Variants in NUP107 observed in about 807,000 individuals in gnomAD.
NUP107 encodes the protein nucleoporin 107, also known as nuclear pore complex protein Nup107.
A neutral mutation model predicts 141.0 loss-of-function variants in NUP107; 101 were observed. The observed-to-expected ratio is 0.72, with a 90% CI of 0.61 to 0.84. NUP107 has a LOEUF of 0.84. Ranked by LOEUF, NUP107 falls within the 40% of genes least tolerant of loss-of-function variation. The pLI, the probability that NUP107 is intolerant of heterozygous loss-of-function variation, is 0.00. For synonymous variants in NUP107, 319 were observed against 363.9 expected, an observed-to-expected ratio of 0.88 and a Z score of 1.41; for missense variants, 941 against 1,102.7, an observed-to-expected ratio of 0.85 and a Z score of 2.08.
intron 6 of NUP107, among the ~76,000 whole-genome samples, chr12:68,699,408 G>A (rs1053183356): frequency 6.6e-6 from 1 of 151,954 alleles, no homozygotes; most frequent in Admixed American, 6.6e-5. Flanking sequence ...CACTAAAGAA[G>A]TCTATTTTTA....
chr12:68,693,873 CATT>C (rs1875929165), intron 5 of NUP107, among the ~76,000 whole-genome samples: 1 of 152,162 alleles, frequency 6.6e-6, no homozygotes, highest in South Asian at 2.1e-4. Context: ...CTTAATCTAA[CATT>C]GTTGATGTGT....
intron 4 of NUP107, 79 bp downstream of exon 4, chr12:68,690,825 ACTC>A: frequency 7.1e-7 from 1 of 1,400,592 alleles, no homozygotes; most frequent in South Asian, 1.3e-5. Flanking sequence ...CACTCCCTGA[ACTC>A]CTGACCTCAA....
chr12:68,705,825 C>T (rs919506257), intron 8 of NUP107: 2 of 769,590 alleles, frequency 2.6e-6, no homozygotes, highest in African/African-American at 1.7e-5. Flanking sequence ...GAGGCATCAC[C>T]CCAGTCACGG....
intron 14 of NUP107, among the ~76,000 whole-genome samples, chr12:68,720,578 G>A (rs1279564532): frequency 6.6e-6 from 1 of 152,192 alleles, no homozygotes; most frequent in Non-Finnish European, 1.5e-5. Flanking sequence ...GAAGGCAGAG[G>A]TGGACTCAGT....
At chr12:68,702,193 T>C (rs1478971975) in intron 7 of NUP107, among the ~76,000 whole-genome samples, 1 of 152,206 alleles carries the variant, frequency 6.6e-6, no homozygotes, top group African/African-American at 2.4e-5. Context: ...TTTGCCATGT[T>C]GGCCATGCTG....
intron 20 of NUP107, 131 bp downstream of exon 20, chr12:68,727,520 A>C: frequency 1.8e-6 from 1 of 542,854 alleles, no homozygotes; most frequent in East Asian, 2.8e-5. Context: ...AATTATCAGC[A>C]CAGTTGACCT....
chr12:68,711,119 G>A (rs916312390), intron 10 of NUP107, among the ~76,000 whole-genome samples: 2 of 152,014 alleles, frequency 1.3e-5, no homozygotes, highest in Non-Finnish European at 2.9e-5. Flanking sequence ...GCCAGGCGTG[G>A]TGGCGGGCGG....
At chr12:68,708,723 G>A (rs907693566) in intron 8 of NUP107, among the ~76,000 whole-genome samples, 3 of 151,946 alleles carry the variant, frequency 2.0e-5, no homozygotes, top group South Asian at 4.1e-4. Flanking sequence ...GGGTTCAAGT[G>A]ATTCTCGTGC....
At chr12:68,731,397 T>A in intron 21 of NUP107, 137 bp downstream of exon 21, 1 of 930,084 alleles carries the variant, frequency 1.1e-6, no homozygotes, top group Non-Finnish European at 1.5e-6. Flanking sequence ...AGGGAATTTC[T>A]GTTTTAGGAC....
chr12:68,706,458 A>G, intron 8 of NUP107: 1 of 729,346 alleles, frequency 1.4e-6, no homozygotes, highest in Admixed American at 1.9e-5. Flanking sequence ...AACCACAACC[A>G]GGCTGAGGCT....
At chr12:68,729,469 C>T (rs1877720006) in intron 20 of NUP107, among the ~76,000 whole-genome samples, 1 of 150,316 alleles carries the variant, frequency 6.7e-6, no homozygotes, top group Non-Finnish European at 1.5e-5. Flanking sequence ...TGGAGTCTCA[C>T]TTTGATGCCC....
intron 27 of NUP107, among the ~76,000 whole-genome samples, 172 bp from the exon 28 acceptor site, chr12:68,742,183 C>T (rs1878346777): frequency 6.6e-6 from 1 of 152,166 alleles, no homozygotes. Context: ...TAGACTGACT[C>T]TGAGAATTCA....
rs1344755266 is a variant in NUP107, at chr12:68,732,694, G to T, written c.2056G>T (p.Ala686Ser). 6.2e-7 allele frequency: 1 copy of T among 1,609,522 alleles called. No individual in the cohort carries two copies. Among genetic ancestry groups the T allele is most frequent in the African/African-American group, 1.3e-5 (1 of 74,786 alleles). ...DWLVFDPAQR[A>S]EALKQGNAIM... ...GTTGGTATTTGACCCAGCGCAGAGGGCAGAAGCACTGAAACAAGGCAATGC... is the reference window on the plus strand; with the variant it reads ...GTTGGTATTTGACCCAGCGCAGAGGTCAGAAGCACTGAAACAAGGCAATGC... Residue 686 changes from alanine (A) to serine (S), a missense_variant, in exon 23 of 28, where the codon GCA (alanine) becomes TCA (serine). Physicochemically the swap from Ala to Ser is moderately conservative, Grantham distance 99 (BLOSUM62 1). Transcript: ENST00000229179.
intron 15 of NUP107, 110 bp downstream of exon 15, chr12:68,721,287 A>C (rs551138057): frequency 1.6e-6 from 1 of 636,818 alleles, no homozygotes; most frequent in Non-Finnish European, 2.7e-6. Context: ...ACTTAAGTAT[A>C]TACATACTTA....
chr12:68,702,846 AT>A (rs201673769), intron 8 of NUP107, 62 bp downstream of exon 8: 93,197 of 725,704 alleles, frequency 0.13, no homozygotes, highest in Middle Eastern at 0.17. Flanking sequence ...TACTAATAGG[AT>A]TTTTTTTTTT....
chr12:68,716,776 A>G (rs924486254), intron 12 of NUP107, among the ~76,000 whole-genome samples: 4 of 152,160 alleles, frequency 2.6e-5, no homozygotes, highest in African/African-American at 4.8e-5. Context: ...TGGCTTCAGT[A>G]TTATGTTGTA....
intron 22 of NUP107, 54 bp from the exon 23 acceptor site, chr12:68,732,582 CT>C: frequency 2.8e-6 from 3 of 1,088,472 alleles, no homozygotes; most frequent in Non-Finnish European, 4.0e-6. Context: ...TGTAGAATAT[CT>C]TTAAAAAAAA....
intron 15 of NUP107, 124 bp downstream of exon 15, chr12:68,721,301 G>A (rs868369782): frequency 7.1e-6 from 4 of 560,032 alleles, no homozygotes; most frequent in Non-Finnish European, 1.2e-5. Flanking sequence ...ATACTTAAGT[G>A]TAGCAATGAT....
intron 6 of NUP107, among the ~76,000 whole-genome samples, chr12:68,699,714 G>A (rs1876235366): frequency 6.6e-6 from 1 of 152,148 alleles, no homozygotes; most frequent in African/African-American, 2.4e-5. Context: ...TTCTGAATGA[G>A]AGCAGTCTTC....
Sources: allele counts gnomAD v4.1 joint callset (sites outside exome capture counted in the v4.1 genomes callset), GRCh38; gene constraint gnomAD v4.1.1; transcripts MANE v1.5; gene names NCBI Gene and HGNC (gene_info 2026-07-23, HGNC 2026-07-21).